RNF41: variants seen among roughly 807,000 people sequenced by gnomAD.
The protein encoded by RNF41 is ring finger protein 41.
A neutral mutation model predicts 33.0 loss-of-function variants in RNF41; 4 were observed. The observed-to-expected ratio is 0.12, with a 90% CI of 0.06 to 0.28. RNF41 has a LOEUF of 0.28. Ranked by LOEUF, RNF41 falls within the 10% of genes least tolerant of loss-of-function variation. RNF41 has a pLI of 1.00. For synonymous variants in RNF41, 164 were observed against 153.2 expected (o/e 1.07, Z -0.52); for missense variants, 228 against 432.6 (o/e 0.53, Z 4.19).
intron 3 of RNF41, 67 bp downstream of exon 3, chr12:56,213,891 A>G: frequency 9.8e-7 from 1 of 1,018,224 alleles, no homozygotes; most frequent in Non-Finnish European, 1.6e-6. Flanking sequence ...CCCGCTGCCC[A>G]TGAATATTTT....
At chr12:56,207,176 C>G in intron 6 of RNF41, 1 of 1,323,344 alleles carries the variant, frequency 7.6e-7, no homozygotes, top group South Asian at 1.3e-5. Flanking sequence ...ACAGTTTACT[C>G]TATGAACTGT....
intron 1 of RNF41, among the ~76,000 whole-genome samples, chr12:56,217,510 T>G (rs1003801459): frequency 9.9e-5 from 15 of 150,842 alleles, no homozygotes; most frequent in African/African-American, 3.6e-4. Context: ...ATCGCGCCAC[T>G]GCACTCCAGC....
intron 1 of RNF41, among the ~76,000 whole-genome samples, chr12:56,217,753 T>C (rs1869015150): frequency 1.3e-5 from 2 of 152,022 alleles, no homozygotes; most frequent in East Asian, 3.9e-4. Context: ...CATTTGATTC[T>C]CATTGGAGCA....
At chr12:56,209,017 A>T (rs1450269012) in intron 4 of RNF41, among the ~76,000 whole-genome samples, 1 of 150,926 alleles carries the variant, frequency 6.6e-6, no homozygotes, top group African/African-American at 2.4e-5. Flanking sequence ...GGTGCCCACC[A>T]CCACACCTGG....
At position 56,207,325 on chromosome 12, in the gene RNF41, A is replaced by G. The variant is rs1399796732; in HGVS notation, c.602+321T>C. ...TTGTAAGCTACCTGAAGACAGGACG[A>G]TATCTTCTATTTCTTTTTGGCCCTC... On this transcript the variant is annotated intron_variant, in intron 6 of 6. Coordinates refer to ENST00000345093, the MANE Select transcript of RNF41 (RefSeq NM_005785.4). 11 of 1,313,462 alleles carry G rather than the reference A, an allele frequency of 8.4e-6. No individual in the cohort carries two copies. In the East Asian group the frequency reaches 2.4e-4, roughly 29 times the overall value. The allele number at this position is 1,313,462 out of a possible 1,614,324, so 81.4% of individuals were successfully genotyped here.
In RNF41 at chr12:56,206,701, C is replaced by G. The variant is rs1391749121; in HGVS notation, c.700G>C (p.Val234Leu). The G allele has an allele frequency of 3.1e-6, 5 of 1,614,010 alleles. No individual in the cohort carries two copies. The highest frequency in any genetic ancestry group is 1.7e-5 in the Admixed American group (1 of 59,986). ...ATAGAAGCAGGACAGCCACTCTCCA[C>G]CAGGGAGCGCTTGATTACAGCCTGG... ...VLQAVIKRSL[V>L]ESGCPASIVN... The change falls in exon 7 of 7, where the codon GTG becomes CTG. Residue 234 changes from valine (V) to leucine (L), a missense_variant. Transcript: ENST00000345093. This position sits in a 1 kb window ranked among gnomAD's most constrained non-coding sequence, Gnocchi z 5.7.
At chr12:56,212,816 G>T (rs1040405008) in intron 3 of RNF41, among the ~76,000 whole-genome samples, 2 of 152,144 alleles carry the variant, frequency 1.3e-5, no homozygotes, top group Non-Finnish European at 2.9e-5. Flanking sequence ...AGCAGTGAAT[G>T]GGGGAAGGGC....
chr12:56,217,499 G>T (rs1002653682), intron 1 of RNF41, among the ~76,000 whole-genome samples: 16 of 152,106 alleles, frequency 1.1e-4, no homozygotes, highest in African/African-American at 3.6e-4. Flanking sequence ...AGTGAGCCAA[G>T]ATCGCGCCAC....
chr12:56,213,192 C>G, intron 3 of RNF41: 1 of 1,180,890 alleles, frequency 8.5e-7, no homozygotes, highest in East Asian at 6.0e-5. Flanking sequence ...TTCCCCACTT[C>G]CTATTTGTTT....
Position 56,206,461 on chromosome 12 carries a change from C to T in RNF41, c.940G>A (p.Val314Met), listed in dbSNP as rs1478816333. Reference protein sequence around the residue: ...PGLVMIFAHGVEEI With the variant: ...PGLVMIFAHGMEEI ...GTCGAGTTCTCTTATATCTCTTCCA[C>T]GCCATGCGCAAATATCATGACAAGG... The change falls in exon 7 of 7, where the codon GTG becomes ATG. Residue 314 changes from valine to methionine, a missense_variant. Val to Met is a conservative substitution (Grantham distance 21, BLOSUM62 1). Coordinates refer to ENST00000345093, the MANE Select transcript of RNF41 (RefSeq NM_005785.4). The surrounding 1 kb of genome is among the most constrained non-coding windows in gnomAD (Gnocchi z 5.7). 1.9e-6 allele frequency: 3 copies of T among 1,611,872 alleles called. No homozygotes were observed. Among genetic ancestry groups the T allele is most frequent in the Non-Finnish European group, 1.7e-6 (2 of 1,178,516 alleles).
At position 56,207,422 on chromosome 12, in the gene RNF41, T is replaced by A. The variant is rs1592348605; in HGVS notation, c.602+224A>T. 5.1e-6 allele frequency: 4 copies of A among 785,280 alleles called. No individual in the cohort carries two copies. The Admixed American group carries it at 8.2e-5, about 16-fold the overall frequency. 48.6% of individuals were successfully genotyped at this position (785,280 alleles called of 1,614,324 possible). Reference sequence around the variant, plus strand: ...ACCTAATTCTGGATAAAGTGCATCCTTGGGCAGGCTTTCCCTCCATCCACC... The same window carrying A: ...ACCTAATTCTGGATAAAGTGCATCCATGGGCAGGCTTTCCCTCCATCCACC... On this transcript the variant is annotated intron_variant, in intron 6 of 6. Coordinates refer to ENST00000345093, the MANE Select transcript of RNF41 (RefSeq NM_005785.4).
In RNF41 at chr12:56,220,753, G is replaced by A. The variant is rs143460217; in HGVS notation, c.-209+1007C>T. ...TTCAAAAAAAAAAAAAAACAAGAAT[G>A]CAAAATAAATTTAGAGTACTGAGAG... On this transcript the variant is annotated intron_variant, in intron 1 of 6. Transcript: ENST00000345093. 9.1e-4 allele frequency among the ~76,000 whole-genome samples: 138 copies of A among 151,460 alleles called. 2 individuals carry two copies. Among genetic ancestry groups the A allele is most frequent in the African/African-American group, 3.1e-3 (130 of 41,322 alleles).
At chr12:56,209,665 G>A (rs967398974) in intron 4 of RNF41, among the ~76,000 whole-genome samples, 5 of 152,082 alleles carry the variant, frequency 3.3e-5, no homozygotes, top group Non-Finnish European at 7.4e-5. Context: ...CAATGTGTTA[G>A]CCAGGATGGT....
Position 56,206,812 on chromosome 12 carries a change from G to A in RNF41, c.603-14C>T, listed in dbSNP as rs1473859697. On this transcript the variant is annotated splice_polypyrimidine_tract_variant and intron_variant, in intron 6 of 6. Transcript: ENST00000345093. The surrounding 1 kb of genome is among the most constrained non-coding windows in gnomAD (Gnocchi z 5.7). Reference sequence around the variant, plus strand: ...GAGTTCACCCACCTGTGTGGAGGTGGTTAAAGATGGTCATTCCAGCTCATC... The same window carrying A: ...GAGTTCACCCACCTGTGTGGAGGTGATTAAAGATGGTCATTCCAGCTCATC... 1.9e-6 allele frequency: 3 copies of A among 1,578,506 alleles called. No homozygotes were observed. Among genetic ancestry groups the A allele is most frequent in the Admixed American group, 3.5e-5 (2 of 57,504 alleles).
chr12:56,207,973 T>A (rs1190701626), intron 5 of RNF41, among the ~76,000 whole-genome samples, 190 bp downstream of exon 5: 1 of 152,196 alleles, frequency 6.6e-6, no homozygotes, highest in African/African-American at 2.4e-5. Flanking sequence ...ATTAATGCTA[T>A]GAATGGGATG....
chr12:56,214,683 G>A (rs942162118), intron 2 of RNF41, among the ~76,000 whole-genome samples: 2 of 151,416 alleles, frequency 1.3e-5, no homozygotes, highest in Non-Finnish European at 2.9e-5. Context: ...ACAAAAATTA[G>A]CTGGGCGTGG....
rs1201742228 is a variant in RNF41, at chr12:56,203,854, T to C, written c.*2593A>G. 5.3e-5 allele frequency: 8 copies of C among 150,034 alleles called. No individual in the cohort carries two copies. In the Admixed American group the frequency reaches 5.4e-4, roughly 10 times the overall value. The allele number at this position is 150,034 out of a possible 1,614,324, so 9.3% of individuals were successfully genotyped here. ...CTAAGTAGCTGGGACTACAGGTGCC[T>C]GCCACCACGCCCGGCTAATTTTTTG... is the stretch of plus-strand genomic sequence containing the variant. On this transcript the variant is annotated 3_prime_UTR_variant, in exon 7 of 7. Transcript: ENST00000345093.
rs1868258071 is a variant in RNF41 at position 56,205,889 on chromosome 12, C to T, written c.*558G>A. ...TGGTAGACCCAGTGGGTGCCTACAC[C>T]TTTAAGGTGGGCTGAACAGGGATAC... On this transcript the variant is annotated 3_prime_UTR_variant, in exon 7 of 7. Transcript: ENST00000345093. 6.5e-6 allele frequency: 1 copy of T among 154,268 alleles called. No homozygotes were observed. The highest frequency in any genetic ancestry group is 2.0e-4 in the South Asian group (1 of 4,942). The allele number at this position is 154,268 out of a possible 1,614,324, so 9.6% of individuals were successfully genotyped here. A position where few individuals can be genotyped will look rare whatever the true frequency, so the allele number is the denominator to read the frequency against.
At chr12:56,210,192 C>G in intron 4 of RNF41, 105 bp downstream of exon 4, 1 of 1,277,324 alleles carries the variant, frequency 7.8e-7, no homozygotes, top group Non-Finnish European at 1.1e-6. Flanking sequence ...TACTCCTTGC[C>G]AACATGCCAA....
Sources: gnomAD v4.1 joint callset for allele counts (sites outside exome capture counted in the v4.1 genomes callset) on GRCh38, gnomAD v4.1.1 for gene constraint, Gnocchi (gnomAD v3.1) non-coding constraint, MANE v1.5 for transcripts, NCBI Gene and HGNC (gene_info 2026-07-23, HGNC 2026-07-21) for gene names.